CASTOR2: variants seen among roughly 807,000 people sequenced by gnomAD.
CASTOR2 encodes the protein cytosolic arginine sensor for mTORC1 subunit 2.
A neutral mutation model predicts 31.2 loss-of-function variants in CASTOR2; 8 were observed. The ratio of observed to expected loss-of-function variants is 0.26; its 90% CI spans 0.15 to 0.46. The LOEUF (loss-of-function observed/expected upper bound fraction) is 0.46, where lower values mean the gene tolerates loss of function less well. Among genes scored for constraint, CASTOR2 ranks in the 20% least tolerant of loss-of-function variants. The pLI is 0.99. For missense variants in CASTOR2, 216 were observed against 382.1 expected, an observed-to-expected ratio of 0.57 and a Z score of 3.62; for synonymous variants, 162 against 158.7, an observed-to-expected ratio of 1.02 and a Z score of -0.16.
intron 1 of CASTOR2, among the ~76,000 whole-genome samples, chr7:74,971,572 TC>T (rs1202484077): frequency 7.0e-5 from 1 of 14,230 alleles, no homozygotes. Context: ...AGCACAGACT[TC>T]CTCATCTCAT....
chr7:75,018,797 G>A (rs1292703181), intron 4 of CASTOR2, among the ~76,000 whole-genome samples, 175 bp from the exon 5 acceptor site: 2 of 152,272 alleles, frequency 1.3e-5, no homozygotes, highest in African/African-American at 4.8e-5. Context: ...GCCTGAGGGT[G>A]AGATGGAGAA....
At chr7:74,988,359 G>A (rs1336873116) in intron 1 of CASTOR2, among the ~76,000 whole-genome samples, 2 of 151,830 alleles carry the variant, frequency 1.3e-5, no homozygotes, top group Non-Finnish European at 2.9e-5. Flanking sequence ...GTGCAGTGGC[G>A]CGATCTTGGC....
rs34294455 is a variant in CASTOR2 at position 75,031,517 on chromosome 7, G to GA, written c.*6829dup. 0.12 allele frequency among the ~76,000 whole-genome samples: 16,973 copies of GA among 146,406 alleles called. 1,090 individuals are homozygous for GA. The highest frequency in any genetic ancestry group is 0.29 in the Middle Eastern group (82 of 282). On this transcript the variant is annotated 3_prime_UTR_variant, in exon 9 of 9. Coordinates refer to ENST00000616305, the MANE Select transcript of CASTOR2 (RefSeq NM_001145064.3). The stretch of plus-strand genomic sequence containing the variant: ...TACTTTGTAAAGTGTTAATTAAAAT[G>GA]AAAAAAAAAAACGATGCTGGCTGGT...
chr7:74,997,320 C>T (rs1223982233), intron 1 of CASTOR2, among the ~76,000 whole-genome samples: 2 of 152,100 alleles, frequency 1.3e-5, no homozygotes, highest in Non-Finnish European at 2.9e-5. Context: ...TGATTCCTCA[C>T]CCTGGTTCCT....
At chr7:74,993,679 G>C (rs1804266450) in intron 1 of CASTOR2, among the ~76,000 whole-genome samples, 1 of 151,436 alleles carries the variant, frequency 6.6e-6, no homozygotes, top group Admixed American at 6.6e-5. Context: ...TCGAACTCCT[G>C]GTCTCAAGTG....
In CASTOR2 at chr7:75,005,707, C is replaced by T. The variant is rs1467877985; in HGVS notation, c.114-2287C>T. 4.3e-3 allele frequency among the ~76,000 whole-genome samples: 656 copies of T among 152,262 alleles called. 7 individuals are homozygous for T. Among genetic ancestry groups the T allele is most frequent in the African/African-American group, 0.015 (619 of 41,558 alleles). On this transcript the variant is annotated intron_variant, in intron 1 of 8. Coordinates refer to ENST00000616305, the MANE Select transcript of CASTOR2 (RefSeq NM_001145064.3). The stretch of plus-strand genomic sequence containing the variant: ...TGTGCTGAACTTTATAAGAAATTGC[C>T]GGCTGGGTGCAGTGGCTTACAAATG...
rs1426426157 is a variant in CASTOR2 at position 75,030,615 on chromosome 7, C to G, written c.*5916C>G. ...TGGCTGTAGGCAGGAGGCCTCAGTC[C>G]TTCCCCAGGTGGGCCAACCCACAGG... is the stretch of plus-strand genomic sequence containing the variant. On this transcript the variant is annotated 3_prime_UTR_variant, in exon 9 of 9. Coordinates refer to ENST00000616305, the MANE Select transcript of CASTOR2 (RefSeq NM_001145064.3). Among the ~76,000 whole-genome samples, 2 of 152,178 alleles carry G rather than the reference C, an allele frequency of 1.3e-5. No individual in the cohort carries two copies. The highest frequency in any genetic ancestry group is 2.9e-5 in the Non-Finnish European group (2 of 68,024).
intron 1 of CASTOR2, among the ~76,000 whole-genome samples, chr7:74,973,066 G>T (rs1331486431): frequency 6.7e-6 from 1 of 149,676 alleles, no homozygotes; most frequent in African/African-American, 2.5e-5. Context: ...AACACATTGG[G>T]CTGAGGCCAC....
intron 1 of CASTOR2, among the ~76,000 whole-genome samples, chr7:74,981,587 A>G (rs1281782229): frequency 1.4e-5 from 2 of 144,958 alleles, no homozygotes; most frequent in Non-Finnish European, 1.5e-5. Context: ...GGCAGCTTCA[A>G]TTTGTATAGG....
intron 1 of CASTOR2, among the ~76,000 whole-genome samples, chr7:74,991,953 A>C (rs1804222244): frequency 6.6e-6 from 1 of 152,068 alleles, no homozygotes; most frequent in Non-Finnish European, 1.5e-5. Context: ...CTTTGCCTCT[A>C]CTGTGCAGCG....
At chr7:75,023,109 T>C (rs1805043083) in intron 7 of CASTOR2, among the ~76,000 whole-genome samples, 2 of 151,902 alleles carry the variant, frequency 1.3e-5, no homozygotes, top group African/African-American at 2.4e-5. Context: ...GAGATCGAGA[T>C]CATCCTGGCT....
At chr7:74,994,113 G>T (rs1293931562) in intron 1 of CASTOR2, among the ~76,000 whole-genome samples, 1 of 152,220 alleles carries the variant, frequency 6.6e-6, no homozygotes, top group Non-Finnish European at 1.5e-5. Context: ...ACAGGCAGCC[G>T]CAGCGATTGA....
chr7:74,986,563 A>G (rs2131926138), intron 1 of CASTOR2, among the ~76,000 whole-genome samples: 1 of 151,946 alleles, frequency 6.6e-6, no homozygotes, highest in East Asian at 1.9e-4. Flanking sequence ...GAAGGTTCCC[A>G]TATCTAGAGC....
At chr7:74,989,110 G>A (rs1270456785) in intron 1 of CASTOR2, among the ~76,000 whole-genome samples, 3 of 151,548 alleles carry the variant, frequency 2.0e-5, no homozygotes, top group Non-Finnish European at 2.9e-5. Context: ...ACAGGCGCCC[G>A]CCACCATGCC....
intron 1 of CASTOR2, among the ~76,000 whole-genome samples, chr7:74,975,258 C>G (rs1174886868): frequency 1.3e-5 from 2 of 151,354 alleles, no homozygotes; most frequent in Non-Finnish European, 3.0e-5. Context: ...ATGAGCACTG[C>G]GCCTGGCCAA....
In CASTOR2 at chr7:75,028,093, A is replaced by C; in HGVS notation, c.*3394A>C. ...TGGGGCAGGTGCCTGGCGGGGGAGGAAGAGGGCTCTCTATGATGTGGAATT... is the reference window on the plus strand; with the variant it reads ...TGGGGCAGGTGCCTGGCGGGGGAGGCAGAGGGCTCTCTATGATGTGGAATT... On this transcript the variant is annotated 3_prime_UTR_variant, in exon 9 of 9. Coordinates refer to ENST00000616305, the MANE Select transcript of CASTOR2 (RefSeq NM_001145064.3). The C allele has an allele frequency of 6.6e-7, 1 of 1,515,464 alleles. No individual in the cohort carries two copies. Among genetic ancestry groups the C allele is most frequent in the Non-Finnish European group, 8.8e-7 (1 of 1,141,178 alleles). 93.9% of individuals were successfully genotyped at this position (1,515,464 alleles called of 1,614,324 possible). A position where few individuals can be genotyped will look rare whatever the true frequency, so the allele number is the denominator to read the frequency against.
chr7:74,999,290 A>G (rs1436402070), intron 1 of CASTOR2, among the ~76,000 whole-genome samples: 8 of 152,132 alleles, frequency 5.3e-5, no homozygotes, highest in Non-Finnish European at 1.0e-4. Context: ...GATTACAAGC[A>G]TGAGCCACCG....
chr7:75,018,944 A>G, intron 4 of CASTOR2, 28 bp from the exon 5 acceptor site: 2 of 1,551,832 alleles, frequency 1.3e-6, no homozygotes, highest in South Asian at 1.2e-5. Flanking sequence ...TCCCAGCCTC[A>G]GTGCCTGACA....
rs924920551 is a variant in CASTOR2, at chr7:75,025,383, C to A, written c.*684C>A. On this transcript the variant is annotated 3_prime_UTR_variant, in exon 9 of 9. Transcript: ENST00000616305. ...AGAGGGCCCTGTCCAGACCCTCCCC[C>A]ACAAGCACTCAGTCCTTGGGGGAGG... Among the ~76,000 whole-genome samples the A allele has an allele frequency of 9.2e-5, 14 of 152,202 alleles. No individual in the cohort carries two copies. Among genetic ancestry groups the A allele is most frequent in the Admixed American group, 3.9e-4 (6 of 15,288 alleles).
Sources: allele counts gnomAD v4.1 joint callset (sites outside exome capture counted in the v4.1 genomes callset), GRCh38; gene constraint gnomAD v4.1.1; transcripts MANE v1.5; gene names NCBI Gene and HGNC (gene_info 2026-07-23, HGNC 2026-07-21).